PDE4D: variants seen among roughly 807,000 people sequenced by gnomAD.
PDE4D encodes the protein phosphodiesterase 4D.
A neutral mutation model predicts 87.4 loss-of-function variants in PDE4D; 24 were observed. The ratio of observed to expected loss-of-function variants is 0.27; its 90% confidence interval spans 0.20 to 0.39. The LOEUF is 0.39. PDE4D is among the 10% of genes least tolerant of loss of function. The probability of loss-of-function intolerance (pLI) is 1.00; values close to 1 mark genes in which losing one functional copy is unlikely to be tolerated. For synonymous variants in PDE4D, 384 were observed against 383.2 expected, an observed-to-expected ratio of 1.00 and a Z score of -0.02; for missense variants, 714 against 1,041.0, an observed-to-expected ratio of 0.69 and a Z score of 4.32.
chr5:59,579,697 A>C (rs901023238), intron 1 of PDE4D, among the ~76,000 whole-genome samples: 2 of 152,200 alleles, frequency 1.3e-5, no homozygotes, highest in African/African-American at 4.8e-5. Context: ...AGCTGAATTC[A>C]TCTATGCTCC....
At chr5:59,385,230 T>C (rs1372953824) in intron 1 of PDE4D, among the ~76,000 whole-genome samples, 2 of 152,230 alleles carry the variant, frequency 1.3e-5, no homozygotes, top group African/African-American at 4.8e-5. Flanking sequence ...GATTATTGGA[T>C]CTCATGATTT....
intron 1 of PDE4D, among the ~76,000 whole-genome samples, chr5:60,359,180 G>T (rs1759857750): frequency 6.6e-6 from 1 of 152,188 alleles, no homozygotes; most frequent in Admixed American, 6.5e-5. Context: ...GCCAAGGAGG[G>T]CTGATTGCTA....
intron 1 of PDE4D, among the ~76,000 whole-genome samples, chr5:59,298,913 C>T (rs189013847): frequency 6.6e-5 from 10 of 152,274 alleles, no homozygotes; most frequent in Admixed American, 6.5e-4. Flanking sequence ...TTTGATGTTA[C>T]ATATTCAGAT....
chr5:60,110,502 C>T (rs867085217), intron 2 of PDE4D, among the ~76,000 whole-genome samples: 3 of 151,942 alleles, frequency 2.0e-5, no homozygotes, highest in South Asian at 4.1e-4. Flanking sequence ...GAAAAAATAA[C>T]AAATGATGGC....
intron 1 of PDE4D, among the ~76,000 whole-genome samples, chr5:59,581,279 T>C (rs1371102973): frequency 6.6e-6 from 1 of 152,164 alleles, no homozygotes; most frequent in African/African-American, 2.4e-5. Flanking sequence ...TTTAGTTTTT[T>C]TGGGTTCTTC....
intron 1 of PDE4D, among the ~76,000 whole-genome samples, chr5:60,349,002 G>A (rs1175663932): frequency 1.3e-5 from 2 of 152,084 alleles, no homozygotes; most frequent in African/African-American, 2.4e-5. Context: ...TTTCCAAGCT[G>A]TATGTAAATT....
At chr5:60,160,042 C>G (rs1177363430) in intron 2 of PDE4D, among the ~76,000 whole-genome samples, 1 of 152,196 alleles carries the variant, frequency 6.6e-6, no homozygotes, top group East Asian at 1.9e-4. Context: ...CTGACCTCTT[C>G]TTTCTCCTCC....
intron 1 of PDE4D, among the ~76,000 whole-genome samples, chr5:59,843,913 G>A (rs1174088894): frequency 6.6e-6 from 1 of 152,062 alleles, no homozygotes; most frequent in East Asian, 1.9e-4. Context: ...TAAGAAAATT[G>A]AGGTAGAGGG....
chr5:60,426,530 G>A (rs1209867552), intron 1 of PDE4D, among the ~76,000 whole-genome samples: 2 of 152,092 alleles, frequency 1.3e-5, no homozygotes, highest in Non-Finnish European at 1.5e-5. Flanking sequence ...GGGCCTGTTG[G>A]GGGGTGTGGG....
At chr5:59,814,009 G>A (rs1479196450) in intron 1 of PDE4D, among the ~76,000 whole-genome samples, 1 of 152,168 alleles carries the variant, frequency 6.6e-6, no homozygotes, top group African/African-American at 2.4e-5. Context: ...TAATGTAAGA[G>A]ATTCATACGC....
rs552693898 is a variant in PDE4D at position 60,036,803 on chromosome 5, A to G, written c.43-48086T>C. Among the ~76,000 whole-genome samples, 138 of 152,142 alleles carry G rather than the reference A, an allele frequency of 9.1e-4. 1 individual carries two copies. The highest frequency in any genetic ancestry group is 2.7e-3 in the South Asian group (13 of 4,816). ...TGGGAATGAATTAAATTCTGCAAAT[A>G]AACTCTGACTTGGACACTTCAGGGT... is the stretch of plus-strand genomic sequence containing the variant. On this transcript the variant is annotated intron_variant, in intron 2 of 16. Coordinates refer to the PDE4D transcript ENST00000502484.
chr5:59,385,326 A>AT (rs1171492750), intron 1 of PDE4D, among the ~76,000 whole-genome samples: 5 of 152,116 alleles, frequency 3.3e-5, no homozygotes, highest in African/African-American at 1.2e-4. Flanking sequence ...AATATTTTAC[A>AT]TTTTTTGGAT....
chr5:60,412,012 T>C (rs1742085184), intron 1 of PDE4D, among the ~76,000 whole-genome samples: 1 of 152,154 alleles, frequency 6.6e-6, no homozygotes, highest in South Asian at 2.1e-4. Flanking sequence ...AACAGTACAA[T>C]TCTTAGAGTA....
At chr5:60,442,608 A>G (rs1334634455) in intron 1 of PDE4D, among the ~76,000 whole-genome samples, 1 of 152,086 alleles carries the variant, frequency 6.6e-6, no homozygotes, top group Non-Finnish European at 1.5e-5. Context: ...TAAATAGCCA[A>G]TACAATATTA....
intron 1 of PDE4D, among the ~76,000 whole-genome samples, chr5:59,661,969 G>T (rs923427396): frequency 2.6e-5 from 4 of 152,128 alleles, no homozygotes; most frequent in African/African-American, 4.8e-5. Flanking sequence ...GTTCTGGGAG[G>T]GGGGATATAT....
intron 1 of PDE4D, among the ~76,000 whole-genome samples, chr5:59,448,156 G>C (rs1798613576): frequency 6.6e-6 from 1 of 152,090 alleles, no homozygotes; most frequent in Non-Finnish European, 1.5e-5. Flanking sequence ...ATGTTGAGCT[G>C]GTAAAGGCTA....
intron 1 of PDE4D, among the ~76,000 whole-genome samples, chr5:60,347,728 C>A (rs1758849024): frequency 6.6e-6 from 1 of 152,156 alleles, no homozygotes. Flanking sequence ...ATCCCGATAG[C>A]TTCAGCCCAC....
Position 60,068,072 on chromosome 5 carries a change from T to C in PDE4D, c.43-79355A>G, listed in dbSNP as rs77251005. Among the ~76,000 whole-genome samples the C allele has an allele frequency of 6.3e-3, 954 of 152,312 alleles. 9 individuals are homozygous for C. The highest frequency in any genetic ancestry group is 0.022 in the African/African-American group (900 of 41,576). On this transcript the variant is annotated intron_variant, in intron 2 of 16. Transcript: ENST00000502484. Reference sequence around the variant, plus strand: ...CTTTGAGATCCTGATTTCAATTCTTTTGAATAAACACCCCAAAGTGGGATT... The same window carrying C: ...CTTTGAGATCCTGATTTCAATTCTTCTGAATAAACACCCCAAAGTGGGATT...
intron 1 of PDE4D, among the ~76,000 whole-genome samples, chr5:59,614,728 G>C (rs188574972): frequency 6.6e-6 from 1 of 152,246 alleles, no homozygotes; most frequent in Non-Finnish European, 1.5e-5. Context: ...AAGTTTTAAA[G>C]CACTAGTTAT....
Sources: allele counts gnomAD v4.1 joint callset (sites outside exome capture counted in the v4.1 genomes callset), GRCh38; gene constraint gnomAD v4.1.1; transcripts MANE v1.5; gene names NCBI Gene and HGNC (gene_info 2026-07-23, HGNC 2026-07-21).